Variants in APPBP2 observed in about 807,000 individuals in gnomAD.
APPBP2 encodes amyloid beta precursor protein binding protein 2.
APPBP2 carries 15 observed loss-of-function variants against 76.0 expected under a neutral mutation model. The ratio of observed to expected loss-of-function variants is 0.20; its 90% confidence interval spans 0.13 to 0.30. APPBP2 has a LOEUF of 0.30. Ranked by LOEUF, APPBP2 falls within the 10% of genes least tolerant of loss-of-function variation. The pLI, the probability that APPBP2 is intolerant of heterozygous loss-of-function variation, is 1.00. For synonymous variants in APPBP2, 222 were observed against 242.2 expected (o/e 0.92, Z 0.77); for missense variants, 401 against 687.2 (o/e 0.58, Z 4.66).
At chr17:60,475,842 C>G (rs1173331362) in intron 4 of APPBP2, among the ~76,000 whole-genome samples, 1 of 152,158 alleles carries the variant, frequency 6.6e-6, no homozygotes, top group Non-Finnish European at 1.5e-5. Context: ...CTGCCCAACT[C>G]TCACAAGCCC....
At chr17:60,500,012 C>CT (rs563111313) in intron 2 of APPBP2, among the ~76,000 whole-genome samples, 5,089 of 137,956 alleles carry the variant, frequency 0.037, 307 homozygotes, top group African/African-American at 0.12. Flanking sequence ...TGTGAATATA[C>CT]TTTTTTTTTT....
chr17:60,514,684 C>T (rs1414058328), intron 1 of APPBP2, among the ~76,000 whole-genome samples: 2 of 148,746 alleles, frequency 1.3e-5, no homozygotes, highest in East Asian at 3.8e-4. Flanking sequence ...GGATTTTCCA[C>T]ACATTCAACA....
chr17:60,516,664 A>G (rs769674048), intron 1 of APPBP2, among the ~76,000 whole-genome samples: 7 of 152,192 alleles, frequency 4.6e-5, no homozygotes, highest in Non-Finnish European at 8.8e-5. Flanking sequence ...GCTATTATGA[A>G]TAGCAGTGCT....
rs565126308 is a variant in APPBP2, at chr17:60,495,137, A to G, written c.228-520T>C. ...GTAGCTGGAACTACAGGTACGTGTC[A>G]CCATGCCCAACTAATCTTTTTTGTA... is the stretch of plus-strand genomic sequence containing the variant. On this transcript the variant is annotated intron_variant, in intron 2 of 12. Coordinates refer to ENST00000083182, the MANE Select transcript of APPBP2 (RefSeq NM_006380.5). Among the ~76,000 whole-genome samples the G allele has an allele frequency of 1.0e-4, 13 of 129,860 alleles. No homozygotes were observed. The South Asian group carries it at 2.7e-3, about 27-fold the overall frequency. 85.2% of individuals were successfully genotyped at this position (129,860 alleles called of 152,430 possible).
chr17:60,482,053 T>C lies in APPBP2; in HGVS notation c.380-2782A>G, dbSNP rs1328660399. Among the ~76,000 whole-genome samples the C allele has an allele frequency of 2.0e-5, 3 of 152,274 alleles. No individual in the cohort carries two copies. In the East Asian group the frequency reaches 5.8e-4, roughly 29 times the overall value. ...ATGTGCCACCACGCCCGGCTAATTTTGTATTTTTAGTAGAGACGGGTTTCT... is the reference window on the plus strand; with the variant it reads ...ATGTGCCACCACGCCCGGCTAATTTCGTATTTTTAGTAGAGACGGGTTTCT... On this transcript the variant is annotated intron_variant, in intron 3 of 12. Coordinates refer to ENST00000083182, the MANE Select transcript of APPBP2 (RefSeq NM_006380.5).
At chr17:60,524,357 A>G (rs998973953) in intron 1 of APPBP2, among the ~76,000 whole-genome samples, 2 of 152,228 alleles carry the variant, frequency 1.3e-5, no homozygotes, top group African/African-American at 4.8e-5. Context: ...GCTGAGAAAG[A>G]CAAATCTAAT....
chr17:60,505,986 C>CTT (rs113337317), intron 1 of APPBP2, among the ~76,000 whole-genome samples: 2 of 146,696 alleles, frequency 1.4e-5, no homozygotes, highest in African/African-American at 5.0e-5. Flanking sequence ...CCTGGCCTTT[C>CTT]TTTTTTTTTT....
At chr17:60,467,080 T>C (rs796184151) in intron 4 of APPBP2, among the ~76,000 whole-genome samples, 1 of 152,358 alleles carries the variant, frequency 6.6e-6, no homozygotes, top group African/African-American at 2.4e-5. Flanking sequence ...CAGACTGGTC[T>C]AGATAGCAAC....
chr17:60,462,890 G>A (rs1431133813), intron 6 of APPBP2, among the ~76,000 whole-genome samples: 1 of 148,512 alleles, frequency 6.7e-6, no homozygotes, highest in East Asian at 2.0e-4. Flanking sequence ...GGCGGAGCCT[G>A]CAGTGACCCG....
chr17:60,488,284 G>T (rs191185150), intron 3 of APPBP2, among the ~76,000 whole-genome samples: 1 of 152,200 alleles, frequency 6.6e-6, no homozygotes, highest in African/African-American at 2.4e-5. Flanking sequence ...GTCTGCAGAA[G>T]TTTCTGCTGC....
intron 1 of APPBP2, among the ~76,000 whole-genome samples, chr17:60,508,448 G>T (rs906620543): frequency 6.6e-6 from 1 of 152,004 alleles, no homozygotes; most frequent in Non-Finnish European, 1.5e-5. Context: ...ACCAAGCATA[G>T]AAACTCCACA....
At chr17:60,487,169 G>A (rs940097800) in intron 3 of APPBP2, among the ~76,000 whole-genome samples, 1 of 152,072 alleles carries the variant, frequency 6.6e-6, no homozygotes, top group African/African-American at 2.4e-5. Context: ...ACAATTGTGT[G>A]TCTTGGGGTT....
intron 12 of APPBP2, among the ~76,000 whole-genome samples, chr17:60,450,121 A>G (rs1012867931): frequency 6.6e-6 from 1 of 151,900 alleles, no homozygotes; most frequent in Non-Finnish European, 1.5e-5. Flanking sequence ...AACAATACAA[A>G]AAGTGCTATT....
At chr17:60,499,604 T>C (rs2090806064) in intron 2 of APPBP2, among the ~76,000 whole-genome samples, 1 of 152,216 alleles carries the variant, frequency 6.6e-6, no homozygotes, top group Non-Finnish European at 1.5e-5. Flanking sequence ...TGAAGAGATA[T>C]TTCTACGCTC....
chr17:60,506,809 G>T (rs972286134), intron 1 of APPBP2, among the ~76,000 whole-genome samples: 1 of 152,150 alleles, frequency 6.6e-6, no homozygotes, highest in Non-Finnish European at 1.5e-5. Context: ...AGGCCGAGGC[G>T]GGCAGATCAC....
chr17:60,455,791 T>A (rs1165187650), intron 10 of APPBP2, among the ~76,000 whole-genome samples: 1 of 151,750 alleles, frequency 6.6e-6, no homozygotes, highest in Non-Finnish European at 1.5e-5. Context: ...TGATTTTTTT[T>A]TCTTGAGACA....
In APPBP2 at chr17:60,452,995, C is replaced by A. The variant is rs111714468; in HGVS notation, c.1339-950G>T. ...TTGAAGTTAGTCATATTTATTGCTA[C>A]AACTGATAATACTTGTTGCAATATC... On this transcript the variant is annotated intron_variant, in intron 11 of 12. Transcript: ENST00000083182. Among the ~76,000 whole-genome samples the A allele has an allele frequency of 2.5e-3, 377 of 152,222 alleles. 1 individual carries two copies. Among genetic ancestry groups the A allele is most frequent in the African/African-American group, 8.8e-3 (366 of 41,544 alleles).
Position 60,447,314 on chromosome 17 carries a change from CA to C in APPBP2, c.*266del, listed in dbSNP as rs1327189808. ...TGCAAAATGAATTTTTTAAAAACAACAAAAAAAAGATTTCCTGTTGTTTGTT... is the reference window on the plus strand; with the variant it reads ...TGCAAAATGAATTTTTTAAAAACAACAAAAAAAGATTTCCTGTTGTTTGTT... On this transcript the variant is annotated 3_prime_UTR_variant, in exon 13 of 13. Coordinates refer to ENST00000083182, the MANE Select transcript of APPBP2 (RefSeq NM_006380.5). 1.4e-4 allele frequency: 45 copies of C among 315,216 alleles called. No individual in the cohort carries two copies. The highest frequency in any genetic ancestry group is 2.6e-4 in the East Asian group (5 of 19,598). The allele number at this position is 315,216 out of a possible 1,614,324, so 19.5% of individuals were successfully genotyped here. A position where few individuals can be genotyped will look rare whatever the true frequency, so the allele number is the denominator to read the frequency against.
intron 10 of APPBP2, 84 bp from the exon 11 acceptor site, chr17:60,454,576 T>TA: frequency 1.2e-6 from 1 of 849,170 alleles, no homozygotes; most frequent in South Asian, 2.2e-5. Context: ...TTAAATAATA[T>TA]AAATGTTTAC....
Sources: allele counts gnomAD v4.1 joint callset (sites outside exome capture counted in the v4.1 genomes callset), GRCh38; gene constraint gnomAD v4.1.1; transcripts MANE v1.5; gene names NCBI Gene and HGNC (gene_info 2026-07-23, HGNC 2026-07-21).